The following ZPBP variants were observed in gnomAD, a reference collection of about 807,000 sequenced individuals.
ZPBP encodes zona pellucida-binding protein 1.
Under a neutral mutation model 44.8 loss-of-function variants are expected in ZPBP, and 26 were observed. The observed-to-expected ratio is 0.58, with a 90% CI of 0.43 to 0.81. The LOEUF is 0.81. Among genes scored for constraint, ZPBP ranks in the 30% least tolerant of loss-of-function variants. The pLI is 0.00. For missense variants in ZPBP, 409 were observed against 434.0 expected, an observed-to-expected ratio of 0.94 and a Z score of 0.51; for synonymous variants, 174 against 153.2, an observed-to-expected ratio of 1.14 and a Z score of -1.00.
intron 1 of ZPBP, among the ~76,000 whole-genome samples, chr7:50,090,501 GTATATATATGTGTATATATGTGTA>G (rs979549033): frequency 8.6e-5 from 13 of 151,220 alleles, no homozygotes; most frequent in African/African-American, 3.2e-4. Flanking sequence ...GTATATGAGT[GTATATATATGTGTATATATGTGTA>G]TATATATGTG....
At chr7:49,841,822 T>TATGCTTG in the ZPBP span, among the ~76,000 whole-genome samples, 1 of 152,230 alleles carries the variant, frequency 6.6e-6, no homozygotes, top group African/African-American at 2.4e-5. Context: ...TTGTTTATAT[T>TATGCTTG]ATGCTTGATA....
intron 2 of ZPBP, among the ~76,000 whole-genome samples, chr7:49,872,929 A>G (rs920376796): frequency 4.2e-4 from 63 of 149,396 alleles, no homozygotes; most frequent in African/African-American, 1.3e-3. Flanking sequence ...AAAAAAAAAA[A>G]AAAAAAAAGA....
At chr7:50,058,657 C>T (rs1003953715) in intron 3 of ZPBP, among the ~76,000 whole-genome samples, 1 of 151,848 alleles carries the variant, frequency 6.6e-6, no homozygotes, top group Admixed American at 6.6e-5. Flanking sequence ...CAAAATTTGG[C>T]TTATAAATTT....
intron 7 of ZPBP, among the ~76,000 whole-genome samples, chr7:49,974,173 A>G (rs1583949143): frequency 1.3e-5 from 2 of 152,152 alleles, no homozygotes; most frequent in African/African-American, 4.8e-5. Context: ...AATTAATACA[A>G]TTTTTGATAG....
At chr7:49,894,690 G>A (rs1792295235) in intron 2 of ZPBP, among the ~76,000 whole-genome samples, 1 of 152,226 alleles carries the variant, frequency 6.6e-6, no homozygotes, top group African/African-American at 2.4e-5. Context: ...GGAAAAGCGT[G>A]GGTGGGGGCC....
intron 7 of ZPBP, among the ~76,000 whole-genome samples, chr7:49,957,578 G>C (rs894061722): frequency 3.3e-5 from 5 of 152,206 alleles, no homozygotes; most frequent in Non-Finnish European, 5.9e-5. Context: ...AATCTTGGTG[G>C]TGTCCAAGTG....
At chr7:49,901,479 A>T (rs1343651626) in intron 1 of ZPBP, among the ~76,000 whole-genome samples, 1 of 152,002 alleles carries the variant, frequency 6.6e-6, no homozygotes, top group East Asian at 1.9e-4. Context: ...AAAAAGAAAT[A>T]CTTAGGTATA....
At position 49,864,872 on chromosome 7, in the gene ZPBP, T is replaced by C. The variant is rs367764235; in HGVS notation, n.510-14358A>G. On this transcript the variant is annotated intron_variant and non_coding_transcript_variant, in intron 2 of 2. Transcript: ENST00000465922. ...TTCCTGCCATTTTTAAGTTGCCTTG[T>C]TCGTGATTCAGTGCTTGCTTTGTTG... Among the ~76,000 whole-genome samples the C allele has an allele frequency of 1.1e-4, 17 of 152,362 alleles. No individual in the cohort carries two copies. The East Asian group carries it at 3.1e-3, about 28-fold the overall frequency.
At chr7:49,991,586 T>A (rs1797572786) in intron 6 of ZPBP, among the ~76,000 whole-genome samples, 2 of 152,110 alleles carry the variant, frequency 1.3e-5, no homozygotes, top group Admixed American at 6.5e-5. Flanking sequence ...CTTTGTTTTT[T>A]CTCCAGAAAC....
intron 2 of ZPBP, among the ~76,000 whole-genome samples, chr7:50,088,453 T>C (rs1272329500): frequency 6.6e-6 from 1 of 151,994 alleles, no homozygotes; most frequent in East Asian, 1.9e-4. Flanking sequence ...TTAAAACATA[T>C]GCTTCAAAGA....
At chr7:50,043,167 C>T (rs1041934004) in intron 4 of ZPBP, among the ~76,000 whole-genome samples, 8 of 152,206 alleles carry the variant, frequency 5.3e-5, no homozygotes, top group Non-Finnish European at 8.8e-5. Flanking sequence ...TCCCTTGTTT[C>T]GTCCCATCCC....
intron 1 of ZPBP, among the ~76,000 whole-genome samples, chr7:50,092,670 T>G (rs1169209741): frequency 6.6e-6 from 1 of 152,236 alleles, no homozygotes; most frequent in Admixed American, 6.5e-5. Flanking sequence ...AACCAATAGA[T>G]GGCGCTCCAC....
chr7:50,036,255 G>A lies in ZPBP; in HGVS notation c.488-4945C>T, dbSNP rs530981007. On this transcript the variant is annotated intron_variant, in intron 4 of 7. Transcript: ENST00000046087. ...TGCAACCTCCACCTCCCGGGTTCAA[G>A]CAATTCTCCTGCCTAAGCCTCCCGA... is the stretch of plus-strand genomic sequence containing the variant. Among the ~76,000 whole-genome samples, 6 of 152,310 alleles carry A rather than the reference G, an allele frequency of 3.9e-5. No homozygotes were observed. The South Asian group carries it at 1.2e-3, about 32-fold the overall frequency.
At chr7:49,937,779 C>T (rs1361669510) in intron 7 of ZPBP, among the ~76,000 whole-genome samples, 157 bp from the exon 8 acceptor site, 1 of 152,136 alleles carries the variant, frequency 6.6e-6, no homozygotes, top group African/African-American at 2.4e-5. Flanking sequence ...TGCAAAACTG[C>T]AACTCTATAC....
At chr7:49,979,526 G>T (rs1796680456) in intron 7 of ZPBP, among the ~76,000 whole-genome samples, 1 of 151,630 alleles carries the variant, frequency 6.6e-6, no homozygotes, top group Non-Finnish European at 1.5e-5. Context: ...ATTACATGGT[G>T]AAATTAGAAA....
chr7:50,014,667 G>A (rs1415808101), intron 6 of ZPBP, among the ~76,000 whole-genome samples: 2 of 151,708 alleles, frequency 1.3e-5, no homozygotes, highest in South Asian at 2.1e-4. Flanking sequence ...GTTTCTCCAT[G>A]TTGGGCAGGC....
chr7:49,859,307 C>A (rs990167544), intron 2 of ZPBP, among the ~76,000 whole-genome samples: 2 of 152,074 alleles, frequency 1.3e-5, no homozygotes, highest in African/African-American at 2.4e-5. Flanking sequence ...TTTAAGTTAT[C>A]TTTTATGTTT....
At chr7:50,009,429 T>A (rs77813279) in intron 6 of ZPBP, among the ~76,000 whole-genome samples, 8 of 151,232 alleles carry the variant, frequency 5.3e-5, no homozygotes, top group African/African-American at 1.7e-4. Context: ...TGGTTCTCTA[T>A]TCTGTCTCTC....
chr7:49,843,834 C>T, the ZPBP span, among the ~76,000 whole-genome samples: 1 of 152,172 alleles, frequency 6.6e-6, no homozygotes, highest in East Asian at 1.9e-4. Context: ...TCTTAGAAAA[C>T]GCAATCTGTC....
Sources: gnomAD v4.1 joint callset for allele counts (sites outside exome capture counted in the v4.1 genomes callset) on GRCh38, gnomAD v4.1.1 for gene constraint, MANE v1.5 for transcripts, NCBI Gene and HGNC (gene_info 2026-07-23, HGNC 2026-07-21) for gene names.